CALN1: variants seen among roughly 807,000 people sequenced by gnomAD.
CALN1 encodes the protein calneuron 1.
CALN1 carries 17 observed loss-of-function variants against 30.6 expected under a neutral mutation model. The observed-to-expected ratio is 0.56, with a 90% CI of 0.38 to 0.83. The LOEUF (loss-of-function observed/expected upper bound fraction) is 0.83, where lower values mean the gene tolerates loss of function less well. CALN1 is among the 40% of genes least tolerant of loss of function. CALN1 has a pLI of 0.00. For missense variants in CALN1, 291 were observed against 354.9 expected, an observed-to-expected ratio of 0.82 and a Z score of 1.45; for synonymous variants, 156 against 131.4, an observed-to-expected ratio of 1.19 and a Z score of -1.28.
chr7:71,833,848 G>A (rs1789436884), intron 5 of CALN1, among the ~76,000 whole-genome samples: 1 of 152,100 alleles, frequency 6.6e-6, no homozygotes, highest in Admixed American at 6.5e-5. Context: ...AGGAGTTCAA[G>A]GCTGAGCTAT....
Position 72,205,551 on chromosome 7 carries a change from A to AAATATATACATATATATACATATATATAT in CALN1, c.244+73134_244+73135insATATATATATGTATATATATGTATATATT. On this transcript the variant is annotated intron_variant, in intron 3 of 6. Coordinates refer to ENST00000395275, the MANE Select transcript of CALN1 (RefSeq NM_031468.4). ...ATTTTTCTCCTGATTGCAAAAAAAAAATATATATATATATATGTATATATA... is the reference window on the plus strand; with the variant it reads ...ATTTTTCTCCTGATTGCAAAAAAAAAAATATATACATATATATACATATATATATATATATATATATATATGTATATATA... Among the ~76,000 whole-genome samples the AAATATATACATATATATACATATATATAT allele has an allele frequency of 2.8e-4, 23 of 83,042 alleles. 2 individuals carry two copies. The highest frequency in any genetic ancestry group is 1.5e-3 in the African/African-American group (20 of 13,442). The allele number at this position is 83,042 out of a possible 152,430, so 54.5% of individuals were successfully genotyped here.
Position 72,364,794 on chromosome 7 carries a change from A to T in CALN1, c.119+38457T>A, listed in dbSNP as rs537519562. On this transcript the variant is annotated intron_variant, in intron 2 of 6. Coordinates refer to ENST00000395275, the MANE Select transcript of CALN1 (RefSeq NM_031468.4). ...ACATCACACTGTGCCCCATAAATATATAAAATTGATTTGTTATTCAAAAGT... is the reference window on the plus strand; with the variant it reads ...ACATCACACTGTGCCCCATAAATATTTAAAATTGATTTGTTATTCAAAAGT... Among the ~76,000 whole-genome samples the T allele has an allele frequency of 1.8e-4, 27 of 152,334 alleles. 1 individual carries two copies. Among genetic ancestry groups the T allele is most frequent in the South Asian group, 1.2e-3 (6 of 4,824 alleles).
chr7:72,369,568 T>C (rs1439446973), intron 2 of CALN1, among the ~76,000 whole-genome samples: 1 of 151,764 alleles, frequency 6.6e-6, no homozygotes, highest in Non-Finnish European at 1.5e-5. Context: ...TCCATGTTGG[T>C]CAGGCTTGTC....
chr7:71,922,532 A>C (rs1008298278), intron 5 of CALN1, among the ~76,000 whole-genome samples: 1 of 139,094 alleles, frequency 7.2e-6, no homozygotes, highest in African/African-American at 2.8e-5. Context: ...CACAGAATAT[A>C]TTATATATAA....
At chr7:72,054,438 T>TATACATATATACAC (rs1803064547) in intron 4 of CALN1, among the ~76,000 whole-genome samples, 5 of 48,916 alleles carry the variant, frequency 1.0e-4, no homozygotes, top group East Asian at 1.3e-3. Flanking sequence ...TACACGTATA[T>TATACATATATACAC]ATATATATAC....
At chr7:71,949,493 T>C (rs1208309063) in intron 5 of CALN1, among the ~76,000 whole-genome samples, 2 of 152,070 alleles carry the variant, frequency 1.3e-5, no homozygotes, top group Non-Finnish European at 2.9e-5. Flanking sequence ...GCGATTCTCC[T>C]GCCTCAGCCT....
chr7:71,849,779 G>A (rs1790531163), intron 5 of CALN1, among the ~76,000 whole-genome samples: 2 of 152,006 alleles, frequency 1.3e-5, no homozygotes, highest in Admixed American at 6.6e-5. Context: ...AAGTGGCTGG[G>A]GCTATAGGCG....
intron 3 of CALN1, among the ~76,000 whole-genome samples, chr7:72,272,910 A>T (rs1797089494): frequency 6.6e-6 from 1 of 152,078 alleles, no homozygotes; most frequent in Non-Finnish European, 1.5e-5. Context: ...GCACAGGTGA[A>T]AGCCAAAATG....
Position 72,417,797 on chromosome 7 carries a change from C to G in CALN1, c.-225-5522G>C, listed in dbSNP as rs562365310. 2.7e-3 allele frequency among the ~76,000 whole-genome samples: 408 copies of G among 152,130 alleles called. 3 individuals are homozygous for G. The highest frequency in any genetic ancestry group is 9.2e-3 in the African/African-American group (381 of 41,494). ...ATCAGTGGGTTTGAGGTAATCGGTGCCATGCTACCCTGGGACACCCTGGCC... is the reference window on the plus strand; with the variant it reads ...ATCAGTGGGTTTGAGGTAATCGGTGGCATGCTACCCTGGGACACCCTGGCC... On this transcript the variant is annotated intron_variant, in intron 1 of 6. Coordinates refer to the CALN1 transcript ENST00000395276.
intron 3 of CALN1, among the ~76,000 whole-genome samples, chr7:72,130,744 A>G (rs546959221): frequency 1.3e-5 from 2 of 152,314 alleles, no homozygotes; most frequent in African/African-American, 4.8e-5. Flanking sequence ...TTAATGCATT[A>G]TCTATCCACA....
intron 1 of CALN1, among the ~76,000 whole-genome samples, chr7:72,441,622 G>T (rs1020232467): frequency 3.6e-4 from 50 of 140,820 alleles, no homozygotes; most frequent in African/African-American, 1.3e-3. Context: ...AAAAAAAAAA[G>T]TTGGGAGAAT....
chr7:72,192,054 A>G (rs1008928328), intron 3 of CALN1, among the ~76,000 whole-genome samples: 5 of 152,156 alleles, frequency 3.3e-5, no homozygotes, highest in African/African-American at 1.2e-4. Flanking sequence ...TTCTTGGCGT[A>G]CGGCCCCTTC....
chr7:72,087,634 A>T (rs1805566961), intron 4 of CALN1, among the ~76,000 whole-genome samples: 1 of 152,202 alleles, frequency 6.6e-6, no homozygotes, highest in Non-Finnish European at 1.5e-5. Context: ...TCCAGTGATC[A>T]GTAGACTACT....
Position 71,961,243 on chromosome 7 carries a change from G to A in CALN1, c.501+62414C>T, listed in dbSNP as rs570290470. On this transcript the variant is annotated intron_variant, in intron 5 of 6. Transcript: ENST00000395275. ...CTCATTCATTTATTCACAATGCCAG[G>A]AACTGTGCCAGATACTGGGTATACA... 2.0e-5 allele frequency among the ~76,000 whole-genome samples: 3 copies of A among 152,260 alleles called. No individual in the cohort carries two copies. In the South Asian group the frequency reaches 6.2e-4, roughly 32 times the overall value.
intron 2 of CALN1, among the ~76,000 whole-genome samples, chr7:72,360,802 C>T (rs1803527628): frequency 6.6e-6 from 1 of 151,648 alleles, no homozygotes; most frequent in African/African-American, 2.4e-5. Context: ...CATCTCAGCT[C>T]ACTGCAACCT....
chr7:72,454,575 G>A, the CALN1 span, among the ~76,000 whole-genome samples: 547 of 152,108 alleles, frequency 3.6e-3, 3 homozygotes, highest in African/African-American at 0.012. Flanking sequence ...TATAGAAAGC[G>A]ATTGGCAGAA....
At chr7:72,225,271 T>C (rs1048664506) in intron 3 of CALN1, among the ~76,000 whole-genome samples, 7 of 152,054 alleles carry the variant, frequency 4.6e-5, no homozygotes, top group Admixed American at 2.0e-4. Flanking sequence ...ACCAGGTTCC[T>C]GTCTGAGACA....
chr7:71,862,818 T>C (rs1251740720), intron 5 of CALN1, among the ~76,000 whole-genome samples: 1 of 152,204 alleles, frequency 6.6e-6, no homozygotes, highest in Non-Finnish European at 1.5e-5. Flanking sequence ...CAGCTCAAGA[T>C]AACAATCTAC....
intron 2 of CALN1, among the ~76,000 whole-genome samples, chr7:72,292,341 A>C (rs913697694): frequency 2.0e-5 from 3 of 151,480 alleles, no homozygotes; most frequent in East Asian, 2.0e-4. Flanking sequence ...GACAGCAGAG[A>C]GCGCTCTGGT....
Sources: allele counts gnomAD v4.1 joint callset (sites outside exome capture counted in the v4.1 genomes callset), GRCh38; gene constraint gnomAD v4.1.1; transcripts MANE v1.5; gene names NCBI Gene and HGNC (gene_info 2026-07-23, HGNC 2026-07-21).